The following ORC5 variants were observed in gnomAD, a reference collection of about 807,000 sequenced individuals.
ORC5 encodes protein phosphatase 1, regulatory subunit 117.
ORC5 carries 39 observed loss-of-function variants against 58.8 expected under a neutral mutation model. The observed-to-expected ratio is 0.66, with a 90% CI of 0.51 to 0.87. The LOEUF is 0.87. Ranked by LOEUF, ORC5 falls within the 40% of genes least tolerant of loss-of-function variation. The pLI is 0.00. For missense variants in ORC5, 493 were observed against 506.3 expected, an observed-to-expected ratio of 0.97 and a Z score of 0.25; for synonymous variants, 218 against 177.6, an observed-to-expected ratio of 1.23 and a Z score of -1.81.
At position 104,208,013 on chromosome 7, in the gene ORC5, C is replaced by T; in HGVS notation, c.-109G>A. The T allele has an allele frequency of 9.4e-7, 1 of 1,063,776 alleles. No individual in the cohort carries two copies. Among genetic ancestry groups the T allele is most frequent in the Non-Finnish European group, 1.4e-6 (1 of 705,888 alleles). 65.9% of individuals were successfully genotyped at this position (1,063,776 alleles called of 1,614,324 possible). A position where few individuals can be genotyped will look rare whatever the true frequency, so the allele number is the denominator to read the frequency against. ...CCACGCTCCCGCCGGAAACCGGACC[C>T]GCAGCGTCGTGGGAGGAGCCTGCGC... is the stretch of plus-strand genomic sequence containing the variant. On this transcript the variant is annotated 5_prime_UTR_variant, in exon 1 of 14. Coordinates refer to ENST00000297431, the MANE Select transcript of ORC5 (RefSeq NM_002553.4).
chr7:104,148,281 C>T (rs930781921), intron 12 of ORC5, among the ~76,000 whole-genome samples: 53 of 152,102 alleles, frequency 3.5e-4, no homozygotes, highest in African/African-American at 1.3e-3. Context: ...GAATCCAAAG[C>T]CCATATTCCT....
At position 104,184,398 on chromosome 7, in the gene ORC5, T is replaced by C. The variant is rs1584511802; in HGVS notation, c.685-227A>G. ...AGGAGATCAAGCCTGTAGTGTGCTG[T>C]GACTGCACCTGTGAACAGCCACTGC... is the stretch of plus-strand genomic sequence containing the variant. On this transcript the variant is annotated intron_variant, in intron 6 of 13. Transcript: ENST00000297431. 1.9e-5 allele frequency: 9 copies of C among 470,270 alleles called. No individual in the cohort carries two copies. In the East Asian group the frequency reaches 3.2e-4, roughly 17 times the overall value. 29.1% of individuals were successfully genotyped at this position (470,270 alleles called of 1,614,324 possible).
intron 12 of ORC5, among the ~76,000 whole-genome samples, chr7:104,143,475 T>C (rs963032837): frequency 1.7e-4 from 26 of 152,170 alleles, no homozygotes; most frequent in African/African-American, 5.6e-4. Flanking sequence ...CACTTTCAGT[T>C]CTACCAAGAT....
intron 8 of ORC5, among the ~76,000 whole-genome samples, chr7:104,179,263 A>G (rs1799386669): frequency 6.6e-6 from 1 of 152,138 alleles, no homozygotes; most frequent in Non-Finnish European, 1.5e-5. Flanking sequence ...AAAAGGATAA[A>G]TTTGAGAAAT....
chr7:104,195,056 C>T (rs1475669386), intron 5 of ORC5, 87 bp downstream of exon 5: 3 of 650,320 alleles, frequency 4.6e-6, no homozygotes, highest in South Asian at 2.0e-5. Context: ...ACAAAGTATT[C>T]CCATTTGAAT....
chr7:104,184,224 T>G (rs756082614), intron 6 of ORC5, 53 bp from the exon 7 acceptor site: 6 of 1,112,166 alleles, frequency 5.4e-6, no homozygotes, highest in Non-Finnish European at 7.7e-6. Flanking sequence ...CGATCACAAT[T>G]AGAAATTTAT....
At chr7:104,203,513 G>A (rs921060742) in intron 2 of ORC5, among the ~76,000 whole-genome samples, 4 of 152,128 alleles carry the variant, frequency 2.6e-5, no homozygotes, top group Non-Finnish European at 5.9e-5. Context: ...TGCTTACTAC[G>A]CACTATGTAC....
intron 12 of ORC5, among the ~76,000 whole-genome samples, chr7:104,141,799 A>T (rs1798677771): frequency 6.6e-6 from 1 of 152,194 alleles, no homozygotes; most frequent in Non-Finnish European, 1.5e-5. Context: ...ACAACTATAA[A>T]ACACTGATGA....
In ORC5 at chr7:104,197,750, G is replaced by A. The variant is rs778535682; in HGVS notation, c.416C>T (p.Pro139Leu). 1 of 1,599,114 alleles carries A rather than the reference G, an allele frequency of 6.3e-7. No individual in the cohort carries two copies. The change falls in exon 4 of 14, where the codon CCT (proline) becomes CTT (leucine). Residue 139 changes from proline (P) to leucine (L), a missense_variant. Transcript: ENST00000297431. ...YLRDMEANLL[P>L]GFLRLQELAD... The stretch of plus-strand genomic sequence containing the variant: ...CAATTCTTGTAATCTAAGAAATCCA[G>A]GCAAAAGATTTGCTTCCATATCTCT...
chr7:104,165,874 T>C (rs1424757450), intron 10 of ORC5: 1 of 152,568 alleles, frequency 6.6e-6, no homozygotes, highest in Non-Finnish European at 1.5e-5. Flanking sequence ...GGGACCAGCC[T>C]GGCCAACATG....
chr7:104,174,307 G>A (rs540996709), intron 8 of ORC5, among the ~76,000 whole-genome samples: 114 of 152,238 alleles, frequency 7.5e-4, no homozygotes, highest in African/African-American at 2.4e-3. Context: ...AAGCCACTAC[G>A]ATGGTCCCCA....
At chr7:104,143,328 A>G (rs1258006221) in intron 12 of ORC5, among the ~76,000 whole-genome samples, 1 of 152,194 alleles carries the variant, frequency 6.6e-6, no homozygotes, top group Admixed American at 6.5e-5. Flanking sequence ...TCATAGAAAA[A>G]CACAAAATCT....
At chr7:104,181,150 A>G (rs1799423610) in intron 8 of ORC5, among the ~76,000 whole-genome samples, 1 of 141,222 alleles carries the variant, frequency 7.1e-6, no homozygotes, top group Non-Finnish European at 1.6e-5. Flanking sequence ...ATAACTGATG[A>G]GGATGTTTTT....
Position 104,184,344 on chromosome 7 carries a change from A to G in ORC5, c.685-173T>C, listed in dbSNP as rs550922470. 10 of 579,446 alleles carry G rather than the reference A, an allele frequency of 1.7e-5. No homozygotes were observed. In the Admixed American group the frequency reaches 3.3e-4, roughly 19 times the overall value. 35.9% of individuals were successfully genotyped at this position (579,446 alleles called of 1,614,324 possible). On this transcript the variant is annotated intron_variant, in intron 6 of 13. Transcript: ENST00000297431. Reference sequence around the variant, plus strand: ...GTGCCTGTAATCCCAGCTACTCAGGAGGCTGAGGCAGGGGGATTGCTTGAG... The same window carrying G: ...GTGCCTGTAATCCCAGCTACTCAGGGGGCTGAGGCAGGGGGATTGCTTGAG...
At chr7:104,144,649 C>T (rs1329327080) in intron 12 of ORC5, among the ~76,000 whole-genome samples, 1 of 152,134 alleles carries the variant, frequency 6.6e-6, no homozygotes, top group Non-Finnish European at 1.5e-5. Context: ...CCCAGCTATT[C>T]TGGAGGCTGA....
chr7:104,147,648 C>T (rs1253799698), intron 12 of ORC5, among the ~76,000 whole-genome samples: 1 of 152,090 alleles, frequency 6.6e-6, no homozygotes, highest in African/African-American at 2.4e-5. Flanking sequence ...ATGAACGTTT[C>T]CAAATATTTA....
chr7:104,137,097 G>GT (rs1562803011), intron 12 of ORC5, among the ~76,000 whole-genome samples: 2 of 149,548 alleles, frequency 1.3e-5, no homozygotes, highest in Non-Finnish European at 1.5e-5. Context: ...CAGAGTCCTA[G>GT]TTTTGTTTTT....
At chr7:104,144,342 T>C (rs1201126996) in intron 12 of ORC5, among the ~76,000 whole-genome samples, 2 of 152,222 alleles carry the variant, frequency 1.3e-5, no homozygotes, top group Non-Finnish European at 2.9e-5. Flanking sequence ...ATTATTTCTA[T>C]ATATGCATAA....
chr7:104,140,957 C>A (rs920664758), intron 12 of ORC5, among the ~76,000 whole-genome samples: 25 of 152,168 alleles, frequency 1.6e-4, no homozygotes, highest in Non-Finnish European at 2.4e-4. Flanking sequence ...ATTTAACCAA[C>A]ATTAAAACTA....
Sources: allele counts gnomAD v4.1 joint callset (sites outside exome capture counted in the v4.1 genomes callset), GRCh38; gene constraint gnomAD v4.1.1; transcripts MANE v1.5; gene names NCBI Gene and HGNC (gene_info 2026-07-23, HGNC 2026-07-21).